The following YEATS2 variants were observed in gnomAD, a reference collection of about 807,000 sequenced individuals.
YEATS2 encodes YEATS domain containing 2.
A neutral mutation model predicts 163.2 loss-of-function variants in YEATS2; 77 were observed. That is an observed-to-expected ratio of 0.47 (90% confidence interval 0.39 to 0.57). YEATS2 has a LOEUF of 0.57. Ranked by LOEUF, YEATS2 falls within the 20% of genes least tolerant of loss-of-function variation. The pLI is 0.00. For missense variants in YEATS2, 1,549 were observed against 1,729.8 expected (o/e 0.90, Z 1.85); for synonymous variants, 631 against 645.1 (o/e 0.98, Z 0.33).
chr3:183,786,261 C>A lies in YEATS2; in HGVS notation c.2873C>A (p.Ser958Tyr). 6.2e-7 allele frequency: 1 copy of A among 1,614,026 alleles called. No homozygotes were observed. The highest frequency in any genetic ancestry group is 1.1e-5 in the South Asian group (1 of 91,074). Residue 958 changes from serine (S) to tyrosine (Y), a missense_variant, in exon 20 of 31, where the codon TCC (serine) becomes TAC (tyrosine). Ser to Tyr is a moderately radical substitution (Grantham distance 144). Transcript: ENST00000305135. ...VAGGVITTAT[S>Y]PAVALSANGP... Reference sequence around the variant, plus strand: ...GGAGGGGTTATCACAACTGCCACTTCCCCTGCCGTGGCCCTCTCAGCAAAC... The same window carrying A: ...GGAGGGGTTATCACAACTGCCACTTACCCTGCCGTGGCCCTCTCAGCAAAC...
chr3:183,749,446 G>GC lies in YEATS2; in HGVS notation c.969+1737dup, dbSNP rs533653744. 6.7e-4 allele frequency among the ~76,000 whole-genome samples: 101 copies of GC among 151,592 alleles called. 3 individuals carry two copies. The South Asian group carries it at 6.9e-3, about 10-fold the overall frequency. ...TAAAAAATGACCACCCACTCCTCCCGCCCCCCCAGCACTGGCAACTGCTGC... is the reference window on the plus strand; with the variant it reads ...TAAAAAATGACCACCCACTCCTCCCGCCCCCCCCAGCACTGGCAACTGCTGC... On this transcript the variant is annotated intron_variant, in intron 9 of 30. Transcript: ENST00000305135.
intron 17 of YEATS2, 78 bp downstream of exon 17, chr3:183,773,872 C>T: frequency 6.8e-7 from 1 of 1,466,370 alleles, no homozygotes; most frequent in Non-Finnish European, 9.0e-7. Context: ...GAGGGCAGTT[C>T]TTACCTGTTT....
At chr3:183,737,029 A>G (rs1373864761) in intron 8 of YEATS2, among the ~76,000 whole-genome samples, 200 bp downstream of exon 8, 2 of 152,208 alleles carry the variant, frequency 1.3e-5, no homozygotes, top group African/African-American at 4.8e-5. Flanking sequence ...ATTAACACAT[A>G]TTTTGTATCT....
At chr3:183,703,237 C>T (rs1391629131) in intron 1 of YEATS2, among the ~76,000 whole-genome samples, 1 of 152,130 alleles carries the variant, frequency 6.6e-6, no homozygotes, top group Non-Finnish European at 1.5e-5. Flanking sequence ...ATTATTTTTA[C>T]TTAAAAGATC....
chr3:183,745,864 C>G (rs907873112), intron 8 of YEATS2, among the ~76,000 whole-genome samples: 1 of 152,096 alleles, frequency 6.6e-6, no homozygotes, highest in Non-Finnish European at 1.5e-5. Context: ...CAGGATCTCG[C>G]TTTGTCACCC....
intron 10 of YEATS2, 41 bp downstream of exon 10, chr3:183,752,294 AT>A: frequency 6.2e-7 from 1 of 1,610,022 alleles, no homozygotes; most frequent in Middle Eastern, 1.7e-4. Context: ...GTTCTGAGGC[AT>A]TCCTTTCCCA....
intron 27 of YEATS2, 110 bp from the exon 28 acceptor site, chr3:183,806,756 C>T: frequency 9.3e-7 from 1 of 1,075,468 alleles, no homozygotes; most frequent in South Asian, 1.6e-5. Flanking sequence ...GAAAGAAGGT[C>T]AGCTCCCCTG....
intron 19 of YEATS2, among the ~76,000 whole-genome samples, chr3:183,784,826 C>T (rs565727257): frequency 2.7e-5 from 4 of 149,854 alleles, no homozygotes; most frequent in African/African-American, 9.8e-5. Context: ...GTAATTCCAG[C>T]ACTTTGGGAG....
intron 6 of YEATS2, among the ~76,000 whole-genome samples, chr3:183,726,557 G>A (rs1426934748): frequency 6.6e-6 from 1 of 152,142 alleles, no homozygotes; most frequent in Non-Finnish European, 1.5e-5. Flanking sequence ...GATGTAAATA[G>A]ATGGAAGGGA....
At chr3:183,736,063 T>C (rs1045482381) in intron 7 of YEATS2, among the ~76,000 whole-genome samples, 2 of 152,178 alleles carry the variant, frequency 1.3e-5, no homozygotes, top group Admixed American at 6.6e-5. Context: ...CATGTGCCCA[T>C]CACCAGTTAT....
At chr3:183,783,889 T>C (rs1723810227) in intron 19 of YEATS2, among the ~76,000 whole-genome samples, 1 of 152,164 alleles carries the variant, frequency 6.6e-6, no homozygotes, top group African/African-American at 2.4e-5. Context: ...TTTGGATATA[T>C]ACACATAGAT....
chr3:183,793,395 G>A (rs1407771064), intron 21 of YEATS2: 2 of 1,069,988 alleles, frequency 1.9e-6, no homozygotes, highest in Admixed American at 9.1e-5. Context: ...TCTAGTATAG[G>A]GAGTACTTGT....
At position 183,756,586 on chromosome 3, in the gene YEATS2, A is replaced by T; in HGVS notation, c.1449A>T (p.Pro483=). 6.2e-7 allele frequency: 1 copy of T among 1,607,640 alleles called. No homozygotes were observed. Among genetic ancestry groups the T allele is most frequent in the Non-Finnish European group, 8.5e-7 (1 of 1,177,102 alleles). Residue 483 remains proline, a synonymous_variant, in exon 12 of 31, where the codon CCA becomes CCT. Coordinates refer to ENST00000305135, the MANE Select transcript of YEATS2 (RefSeq NM_018023.5). ...SPLPRTPTST[P]VHVKQGTAGS... is the part of the protein sequence containing the mutation. ...TGCCTCGAACCCCGACTTCCACTCC[A>T]GTCCACGTGAAGCAAGGCACTGCCG... is the stretch of plus-strand genomic sequence containing the variant.
intron 1 of YEATS2, among the ~76,000 whole-genome samples, chr3:183,708,691 C>T (rs1714872834): frequency 6.6e-6 from 1 of 151,792 alleles, no homozygotes; most frequent in African/African-American, 2.4e-5. Context: ...CATAGTGAGA[C>T]CCCCGTCTCT....
intron 16 of YEATS2, 62 bp from the exon 17 acceptor site, chr3:183,773,571 A>G: frequency 6.8e-7 from 1 of 1,470,568 alleles, no homozygotes; most frequent in African/African-American, 1.4e-5. Context: ...TTGTATTTTA[A>G]TTTTAGAGTG....
At chr3:183,728,307 T>C (rs1256382119) in intron 6 of YEATS2, among the ~76,000 whole-genome samples, 1 of 152,204 alleles carries the variant, frequency 6.6e-6, no homozygotes, top group Non-Finnish European at 1.5e-5. Flanking sequence ...AAGCAGGCAT[T>C]GTCTTCTTCT....
chr3:183,762,066 G>A (rs1449335572), intron 14 of YEATS2, 31 bp from the exon 15 acceptor site: 3 of 1,613,924 alleles, frequency 1.9e-6, no homozygotes, highest in Admixed American at 1.7e-5. Flanking sequence ...GTTTATGGAT[G>A]TTTATTCAGT....
intron 2 of YEATS2, among the ~76,000 whole-genome samples, chr3:183,716,377 G>A (rs1311713405): frequency 6.6e-6 from 1 of 152,178 alleles, no homozygotes; most frequent in Non-Finnish European, 1.5e-5. Flanking sequence ...TAGCTCAGAT[G>A]TTGCAGTTCC....
At chr3:183,706,614 C>G (rs1419425664) in intron 1 of YEATS2, among the ~76,000 whole-genome samples, 1 of 152,128 alleles carries the variant, frequency 6.6e-6, no homozygotes, top group Non-Finnish European at 1.5e-5. Context: ...ATCGGGAGTT[C>G]GAGACCAGCA....
Sources: gnomAD v4.1 joint callset for allele counts (sites outside exome capture counted in the v4.1 genomes callset) on GRCh38, gnomAD v4.1.1 for gene constraint, MANE v1.5 for transcripts, NCBI Gene and HGNC (gene_info 2026-07-23, HGNC 2026-07-21) for gene names.